The following INA variants were observed in gnomAD, a reference collection of about 807,000 sequenced individuals.
The protein encoded by INA is alpha-internexin.
INA carries 35 observed loss-of-function variants against 40.1 expected under a neutral mutation model. The observed-to-expected ratio is 0.87, with a 90% CI of 0.67 to 1.16. INA has a LOEUF of 1.16. INA is among the 50% of genes most tolerant of loss of function. INA has a pLI of 0.00. For missense variants in INA, 594 were observed against 686.7 expected (o/e 0.87, Z 1.51); for synonymous variants, 290 against 316.9 (o/e 0.92, Z 0.90).
intron 1 of INA, among the ~76,000 whole-genome samples, chr10:103,285,753 G>T (rs1342683726): frequency 6.6e-6 from 1 of 151,870 alleles, no homozygotes; most frequent in African/African-American, 2.4e-5. Flanking sequence ...AAGTAGCTGG[G>T]ATTACAGGTG....
chr10:103,283,154 T>C (rs918559873), intron 1 of INA, among the ~76,000 whole-genome samples: 1 of 152,224 alleles, frequency 6.6e-6, no homozygotes, highest in Non-Finnish European at 1.5e-5. Context: ...CAATGGATGT[T>C]AGTGGCAGAG....
chr10:103,285,170 G>C (rs1592044268), intron 1 of INA, among the ~76,000 whole-genome samples: 1 of 152,176 alleles, frequency 6.6e-6, no homozygotes, highest in East Asian at 1.9e-4. Context: ...TTTTAGTAGA[G>C]ACAGAGTTTC....
intron 1 of INA, among the ~76,000 whole-genome samples, chr10:103,281,419 A>T (rs1421813794): frequency 6.6e-6 from 1 of 152,202 alleles, no homozygotes; most frequent in African/African-American, 2.4e-5. Context: ...GCCCGGGAAT[A>T]TGCATTTTTC....
intron 1 of INA, among the ~76,000 whole-genome samples, chr10:103,286,334 T>A (rs7094198): frequency 6.3e-5 from 6 of 95,792 alleles, no homozygotes; most frequent in African/African-American, 1.3e-4. Context: ...AGACCTTGTC[T>A]CAAAAAAAAA....
Position 103,277,235 on chromosome 10 carries a change from C to T in INA, c.24C>T (p.Tyr8=), listed in dbSNP as rs536679475. The T allele has an allele frequency of 2.1e-5, 34 of 1,590,198 alleles. No homozygotes were observed. The African/African-American group carries it at 2.7e-4, about 12-fold the overall frequency. MSFGSEH[Y]LCSSSSYRKV... ...CCATGAGCTTCGGCTCGGAGCACTA[C>T]CTGTGCTCCTCCTCCTCCTACCGCA... is the stretch of plus-strand genomic sequence containing the variant. The change falls in exon 1 of 3, where the codon TAC becomes TAT. Residue 8 remains tyrosine, a synonymous_variant. Transcript: ENST00000369849. This position sits in a 1 kb window ranked among gnomAD's most constrained non-coding sequence, Gnocchi z 5.6.
rs1424950204 is a variant in INA at position 103,278,815 on chromosome 10, C to T, written c.1065+539C>T. Among the ~76,000 whole-genome samples the T allele has an allele frequency of 1.3e-5, 2 of 151,530 alleles. No homozygotes were observed. Among genetic ancestry groups the T allele is most frequent in the African/African-American group, 2.4e-5 (1 of 41,252 alleles). On this transcript the variant is annotated intron_variant, in intron 1 of 2. Coordinates refer to ENST00000369849, the MANE Select transcript of INA (RefSeq NM_032727.4). The surrounding 1 kb of genome is among the most constrained non-coding windows in gnomAD (Gnocchi z 4.9). ...CCAAAAAGTAGAGATTGGGAGCCAA[C>T]AAGCTGAGCGATGCTTGAGCTAGTA...
At chr10:103,281,860 T>C (rs1379001673) in intron 1 of INA, among the ~76,000 whole-genome samples, 2 of 152,378 alleles carry the variant, frequency 1.3e-5, no homozygotes, top group Admixed American at 6.5e-5. Flanking sequence ...GCTAAGACGA[T>C]GCTCAGCGTT....
In INA at chr10:103,287,023, G is replaced by A; in HGVS notation, c.1066-12G>A. On this transcript the variant is annotated splice_polypyrimidine_tract_variant and intron_variant, in intron 1 of 2. Coordinates refer to ENST00000369849, the MANE Select transcript of INA (RefSeq NM_032727.4). ...GGTTTGGCCTAACTATTTTGGATATGTTACTTTTCAGGATAGCATTGGGCA... is the reference window on the plus strand; with the variant it reads ...GGTTTGGCCTAACTATTTTGGATATATTACTTTTCAGGATAGCATTGGGCA... The A allele has an allele frequency of 1.2e-6, 2 of 1,612,864 alleles. No individual in the cohort carries two copies. The highest frequency in any genetic ancestry group is 1.7e-6 in the Non-Finnish European group (2 of 1,179,472).
rs2093061057 is a variant in INA at position 103,277,289 on chromosome 10, C to G, written c.78C>G (p.Ser26=). ...TGTTCGGGGATGGCTCTCGCCTGTC[C>G]GCCCGCCTCTCTGGGGCCGGCGGCG... ...RKVFGDGSRL[S]ARLSGAGGAG... is the part of the protein sequence containing the mutation. Residue 26 remains serine, a synonymous_variant, in exon 1 of 3, where the codon TCC becomes TCG. Coordinates refer to ENST00000369849, the MANE Select transcript of INA (RefSeq NM_032727.4). This position sits in a 1 kb window ranked among gnomAD's most constrained non-coding sequence, Gnocchi z 5.6. 1.3e-6 allele frequency: 2 copies of G among 1,574,062 alleles called. No homozygotes were observed. The highest frequency in any genetic ancestry group is 1.7e-6 in the Non-Finnish European group (2 of 1,166,632).
At chr10:103,282,461 C>T (rs1326654781) in intron 1 of INA, among the ~76,000 whole-genome samples, 1 of 152,144 alleles carries the variant, frequency 6.6e-6, no homozygotes, top group African/African-American at 2.4e-5. Flanking sequence ...CCACTGGAGT[C>T]AGGCATTGTT....
chr10:103,279,541 G>T (rs577511956), intron 1 of INA, among the ~76,000 whole-genome samples: 111 of 152,270 alleles, frequency 7.3e-4, no homozygotes, highest in Non-Finnish European at 1.4e-3. Flanking sequence ...CGGTTTCAAG[G>T]TACAATAAAA....
At position 103,278,424 on chromosome 10, in the gene INA, A is replaced by C; in HGVS notation, c.1065+148A>C. 1 of 644,222 alleles carries C rather than the reference A, an allele frequency of 1.6e-6. No homozygotes were observed. The highest frequency in any genetic ancestry group is 2.1e-5 in the South Asian group (1 of 47,052). The allele number at this position is 644,222 out of a possible 1,614,324, so 39.9% of individuals were successfully genotyped here. On this transcript the variant is annotated intron_variant, in intron 1 of 2. Coordinates refer to ENST00000369849, the MANE Select transcript of INA (RefSeq NM_032727.4). The surrounding 1 kb of genome is among the most constrained non-coding windows in gnomAD (Gnocchi z 4.9). ...GGCTGGAGGCGCTGGTTAACAAAAA[A>C]CCCTGGAGTCTTTAATGTTAATTTT...
chr10:103,283,444 A>G (rs747179534), intron 1 of INA, among the ~76,000 whole-genome samples: 9 of 152,106 alleles, frequency 5.9e-5, no homozygotes, highest in Non-Finnish European at 1.0e-4. Flanking sequence ...CTCTTAACAC[A>G]CTTTGAAATA....
Position 103,278,908 on chromosome 10 carries a change from C to G in INA, c.1065+632C>G, listed in dbSNP as rs914399886. 1.5e-4 allele frequency among the ~76,000 whole-genome samples: 22 copies of G among 150,458 alleles called. No homozygotes were observed. Among genetic ancestry groups the G allele is most frequent in the Admixed American group, 1.1e-3 (17 of 15,072 alleles). On this transcript the variant is annotated intron_variant, in intron 1 of 2. Coordinates refer to ENST00000369849, the MANE Select transcript of INA (RefSeq NM_032727.4). This position sits in a 1 kb window ranked among gnomAD's most constrained non-coding sequence, Gnocchi z 4.9. ...CACGATTCCCTTGTCCACCAGCACA[C>G]ACACACACACACACACACACACACA...
chr10:103,287,768 A>G (rs1305360637), intron 2 of INA, among the ~76,000 whole-genome samples: 2 of 151,104 alleles, frequency 1.3e-5, no homozygotes, highest in Non-Finnish European at 2.9e-5. Flanking sequence ...ATTAAAAACT[A>G]TTAAGAGTTA....
Position 103,277,987 on chromosome 10 carries a change from C to A in INA, c.776C>A (p.Pro259Gln). 1 of 1,590,408 alleles carries A rather than the reference C, an allele frequency of 6.3e-7. No individual in the cohort carries two copies. The change falls in exon 1 of 3, where the codon CCA becomes CAA. Residue 259 changes from proline to glutamine, a missense_variant. By Grantham distance (76) the Pro-to-Gln change is moderately conservative (BLOSUM62 -1). Transcript: ENST00000369849. The surrounding 1 kb of genome is among the most constrained non-coding windows in gnomAD (Gnocchi z 5.6). ...GAGGTGGACGTGACTGTGGCTAAACCAGACCTGACCTCGGCTCTGAGGGAG... is the reference window on the plus strand; with the variant it reads ...GAGGTGGACGTGACTGTGGCTAAACAAGACCTGACCTCGGCTCTGAGGGAG... ...AAEVDVTVAK[P>Q]DLTSALREIR...
intron 1 of INA, chr10:103,280,578 C>T: frequency 1.0e-6 from 1 of 985,424 alleles, no homozygotes; most frequent in Non-Finnish European, 1.2e-6. Flanking sequence ...TTGGCACCCT[C>T]TATGAAACAT....
rs769803368 is a variant in INA at position 103,278,065 on chromosome 10, A to C, written c.854A>C (p.Glu285Ala). ...GCTAAGAACCTGCAGTCCGCGGAAG[A>C]ATGGTACAAGTCCAAGTTTGCCAAC... Reference protein sequence around the residue: ...LAAKNLQSAEEWYKSKFANLN... With the variant: ...LAAKNLQSAEAWYKSKFANLN... The change falls in exon 1 of 3, where the codon GAA (glutamate) becomes GCA (alanine). Residue 285 changes from glutamate (E) to alanine (A), a missense_variant. Coordinates refer to ENST00000369849, the MANE Select transcript of INA (RefSeq NM_032727.4). The surrounding 1 kb of genome is among the most constrained non-coding windows in gnomAD (Gnocchi z 4.9). 8.7e-6 allele frequency: 14 copies of C among 1,613,700 alleles called. No individual in the cohort carries two copies. In the Admixed American group the frequency reaches 2.3e-4, roughly 27 times the overall value.
In INA at chr10:103,289,479, A is replaced by G. The variant is rs933458737; in HGVS notation, c.*810A>G. The G allele has an allele frequency of 2.6e-5, 4 of 152,668 alleles. No individual in the cohort carries two copies. Among genetic ancestry groups the G allele is most frequent in the Admixed American group, 6.5e-5 (1 of 15,274 alleles). 9.5% of individuals were successfully genotyped at this position (152,668 alleles called of 1,614,324 possible). The stretch of plus-strand genomic sequence containing the variant: ...TTAGGCTTTCAGCTTACACAAATCT[A>G]TTTAATTAGGAAAAAAACTATTAAG... On this transcript the variant is annotated 3_prime_UTR_variant, in exon 3 of 3. Transcript: ENST00000369849.
Sources: gnomAD v4.1 joint callset for allele counts (sites outside exome capture counted in the v4.1 genomes callset) on GRCh38, gnomAD v4.1.1 for gene constraint, Gnocchi (gnomAD v3.1) non-coding constraint, MANE v1.5 for transcripts, NCBI Gene and HGNC (gene_info 2026-07-23, HGNC 2026-07-21) for gene names.